The following NOMO1 variants were observed in gnomAD, a reference collection of about 807,000 sequenced individuals.
NOMO1 encodes the protein NODAL modulator 1.
A neutral mutation model predicts 133.8 loss-of-function variants in NOMO1; 40 were observed. The ratio of observed to expected loss-of-function variants is 0.30; its 90% CI spans 0.23 to 0.39. The LOEUF is 0.39. Ranked by LOEUF, NOMO1 falls within the 10% of genes least tolerant of loss-of-function variation. NOMO1 has a pLI of 1.00. For missense variants in NOMO1, 462 were observed against 1,419.9 expected, an observed-to-expected ratio of 0.33 and a Z score of 10.84; for synonymous variants, 236 against 570.5, an observed-to-expected ratio of 0.41 and a Z score of 8.36.
Position 14,889,288 on chromosome 16 carries a change from T to C in NOMO1, c.3444+73T>C, listed in dbSNP as rs982337354. On this transcript the variant is annotated intron_variant, in intron 29 of 30. Transcript: ENST00000287667. ...GGCTCACGCCTGTAATCCCAGCACTTTGGGAGGCCAAGGCTGGTGGATCTC... is the reference window on the plus strand; with the variant it reads ...GGCTCACGCCTGTAATCCCAGCACTCTGGGAGGCCAAGGCTGGTGGATCTC... 9.4e-5 allele frequency: 151 copies of C among 1,611,152 alleles called. 2 individuals are homozygous for C. The highest frequency in any genetic ancestry group is 1.2e-4 in the Non-Finnish European group (146 of 1,179,480).
At chr16:14,856,249 G>T (rs965504216) in intron 9 of NOMO1, among the ~76,000 whole-genome samples, 2 of 151,914 alleles carry the variant, frequency 1.3e-5, no homozygotes, top group Admixed American at 1.3e-4. Flanking sequence ...ACTAAAATGG[G>T]TTAGCAGTGG....
Position 14,886,690 on chromosome 16 carries a change from G to A in NOMO1, c.3223-71G>A, listed in dbSNP as rs1964328838. 3 of 1,610,124 alleles carry A rather than the reference G, an allele frequency of 1.9e-6. No individual in the cohort carries two copies. In the Admixed American group the frequency reaches 5.0e-5, roughly 27 times the overall value. ...CACCCACCCAGAAAGCGGCTGTCCT[G>A]AGGATGTCTGCTATGAAATATTGAT... On this transcript the variant is annotated intron_variant, in intron 27 of 30. Coordinates refer to ENST00000287667, the MANE Select transcript of NOMO1 (RefSeq NM_014287.4).
rs765246439 is a variant in NOMO1, at chr16:14,866,594, G to A, written c.1709G>A (p.Ser570Asn). 9 of 1,609,994 alleles carry A rather than the reference G, an allele frequency of 5.6e-6. No individual in the cohort carries two copies. The highest frequency in any genetic ancestry group is 1.7e-5 in the Admixed American group (1 of 59,932). ...GAGGATTGGTGCTGGAAGAACAAGA[G>A]CCTGGAGGTGGAAGTGCTGGAGGAT... ...MHEDWCWKNKSLEVEVLEDDM... is the reference protein window; with the variant it reads ...MHEDWCWKNKNLEVEVLEDDM... Residue 570 changes from serine (S) to asparagine (N), a missense_variant, in exon 15 of 31, where the codon AGC (serine) becomes AAC (asparagine). Transcript: ENST00000287667.
chr16:14,889,375 T>C (rs561182371), intron 29 of NOMO1, among the ~76,000 whole-genome samples, 160 bp downstream of exon 29: 15 of 151,706 alleles, frequency 9.9e-5, no homozygotes, highest in Non-Finnish European at 1.8e-4. Flanking sequence ...CTACAAAAAA[T>C]ACAAAAATTA....
intron 29 of NOMO1, among the ~76,000 whole-genome samples, chr16:14,889,554 A>G (rs1238185550): frequency 3.3e-5 from 5 of 151,790 alleles, no homozygotes; most frequent in Non-Finnish European, 4.4e-5. Context: ...AACAAAACAA[A>G]ACAAAACCAA....
At chr16:14,893,224 C>G (rs1597119226) in intron 29 of NOMO1, among the ~76,000 whole-genome samples, 1 of 151,890 alleles carries the variant, frequency 6.6e-6, no homozygotes, top group African/African-American at 2.4e-5. Flanking sequence ...GAGACAGAGT[C>G]TTGCTTTGTT....
At chr16:14,850,799 A>C (rs942444743) in intron 6 of NOMO1, among the ~76,000 whole-genome samples, 12 of 151,836 alleles carry the variant, frequency 7.9e-5, no homozygotes, top group Admixed American at 2.0e-4. Context: ...TATTTTATTC[A>C]AGGCTGGGCG....
chr16:14,842,615 C>A (rs1334441421), intron 3 of NOMO1, among the ~76,000 whole-genome samples: 19 of 151,416 alleles, frequency 1.3e-4, no homozygotes, highest in African/African-American at 4.7e-4. Flanking sequence ...ACCCATGTAT[C>A]CACCATCCAG....
Position 14,838,496 on chromosome 16 carries a change from G to A in NOMO1, c.255G>A (p.Lys85=). The A allele has an allele frequency of 6.2e-7, 1 of 1,611,696 alleles. No homozygotes were observed. Among genetic ancestry groups the A allele is most frequent in the Non-Finnish European group, 8.5e-7 (1 of 1,179,804 alleles). Residue 85 remains lysine (K), a splice_region_variant and synonymous_variant, in exon 2 of 31, where the codon AAG becomes AAA. Transcript: ENST00000287667. ...ACTTTATGATCCCTTTGTATGATAA[G>A]GTAAGAGGGGACTGCTTGTCACTTA... ...NGYFMIPLYD[K]GDFILKIEPP...
chr16:14,873,752 T>G (rs894524980), intron 18 of NOMO1, among the ~76,000 whole-genome samples: 1 of 151,858 alleles, frequency 6.6e-6, no homozygotes, highest in Non-Finnish European at 1.5e-5. Context: ...GGAGGTTGTA[T>G]GGAATGCATC....
At chr16:14,865,811 C>CA (rs1963986581) in intron 14 of NOMO1, among the ~76,000 whole-genome samples, 1 of 125,922 alleles carries the variant, frequency 7.9e-6, no homozygotes, top group Non-Finnish European at 1.6e-5. Flanking sequence ...TGGCAGACTA[C>CA]AAAAACTGCC....
In NOMO1 at chr16:14,853,541, C is replaced by T; in HGVS notation, c.810C>T (p.Tyr270=). 1 of 1,607,830 alleles carries T rather than the reference C, an allele frequency of 6.2e-7. No individual in the cohort carries two copies. Among genetic ancestry groups the T allele is most frequent in the Non-Finnish European group, 8.5e-7 (1 of 1,178,976 alleles). Residue 270 remains tyrosine, a synonymous_variant, in exon 8 of 31, where the codon TAC becomes TAT. Transcript: ENST00000287667. The stretch of plus-strand genomic sequence containing the variant: ...ACGAGAGTCTGGTGTATTTGTGCTA[C>T]ACGGTCTCCAGAGAAGATGGCTCGT... ...PQDESLVYLC[Y]TVSREDGSFS... is the part of the protein sequence containing the mutation.
rs1012858789 is a variant in NOMO1, at chr16:14,882,653, G to A, written c.3087G>A (p.Ala1029=). ...AAGGCAACGACCACATTGAGCGGGC[G>A]CTCCCCCACCATAGGGTGATTGAGG... ...KAEGNDHIER[A]LPHHRVIEVG... Residue 1029 remains alanine (A), a synonymous_variant, in exon 26 of 31, where the codon GCG becomes GCA. Coordinates refer to ENST00000287667, the MANE Select transcript of NOMO1 (RefSeq NM_014287.4). 22 of 1,611,526 alleles carry A rather than the reference G, an allele frequency of 1.4e-5. No individual in the cohort carries two copies. In the East Asian group the frequency reaches 3.6e-4, roughly 26 times the overall value.
chr16:14,880,371 T>C (rs994230581), intron 24 of NOMO1, among the ~76,000 whole-genome samples: 5 of 151,254 alleles, frequency 3.3e-5, no homozygotes, highest in African/African-American at 9.8e-5. Context: ...AGAGAGCCTA[T>C]TGAGTTGCTA....
chr16:14,857,185 C>A (rs746000290), intron 9 of NOMO1, 32 bp from the exon 10 acceptor site: 1 of 1,610,136 alleles, frequency 6.2e-7, no homozygotes, highest in African/African-American at 1.3e-5. Flanking sequence ...GGAGCACCTT[C>A]GAGCACCTTC....
In NOMO1 at chr16:14,868,571, G is replaced by A; in HGVS notation, c.1830G>A (p.Gly610=). 1 of 1,611,488 alleles carries A rather than the reference G, an allele frequency of 6.2e-7. No homozygotes were observed. The highest frequency in any genetic ancestry group is 8.5e-7 in the Non-Finnish European group (1 of 1,179,648). The change falls in exon 16 of 31, where the codon GGG becomes GGA. Residue 610 remains glycine, a synonymous_variant. Coordinates refer to ENST00000287667, the MANE Select transcript of NOMO1 (RefSeq NM_014287.4). ...AGGAATTTTATCAGGATGGAAATGGGCGTGAGAATGTGGGGATTTATAACC... is the reference window on the plus strand; with the variant it reads ...AGGAATTTTATCAGGATGGAAATGGACGTGAGAATGTGGGGATTTATAACC... The part of the protein sequence containing the change: ...ITLEFYQDGN[G]RENVGIYNLS...
intron 11 of NOMO1, among the ~76,000 whole-genome samples, chr16:14,861,800 A>G (rs931323146): frequency 1.4e-5 from 2 of 148,080 alleles, no homozygotes; most frequent in African/African-American, 4.9e-5. Context: ...TTTGCATTTC[A>G]TGTAATTTTT....
intron 11 of NOMO1, among the ~76,000 whole-genome samples, chr16:14,860,923 C>T (rs533332545): frequency 2.7e-5 from 4 of 149,912 alleles, no homozygotes; most frequent in African/African-American, 7.4e-5. Flanking sequence ...GGCGCCATCT[C>T]GGCTCACTGC....
rs1453740026 is a variant in NOMO1 at position 14,838,627 on chromosome 16, C to T, written c.255+131C>T. 7 of 835,776 alleles carry T rather than the reference C, an allele frequency of 8.4e-6. No individual in the cohort carries two copies. In the South Asian group the frequency reaches 1.0e-4, roughly 12 times the overall value. The allele number at this position is 835,776 out of a possible 1,614,324, so 51.8% of individuals were successfully genotyped here. A position where few individuals can be genotyped will look rare whatever the true frequency, so the allele number is the denominator to read the frequency against. Reference sequence around the variant, plus strand: ...TAAATTATTAGTGGAATATGATAATCCTAGCCACATTTGGAGGGAGACAAC... The same window carrying T: ...TAAATTATTAGTGGAATATGATAATTCTAGCCACATTTGGAGGGAGACAAC... On this transcript the variant is annotated intron_variant, in intron 2 of 30. Coordinates refer to ENST00000287667, the MANE Select transcript of NOMO1 (RefSeq NM_014287.4).
Sources: gnomAD v4.1 joint callset for allele counts (sites outside exome capture counted in the v4.1 genomes callset) on GRCh38, gnomAD v4.1.1 for gene constraint, MANE v1.5 for transcripts, NCBI Gene and HGNC (gene_info 2026-07-23, HGNC 2026-07-21) for gene names.